The following SP100 variants were observed in gnomAD, a reference collection of about 807,000 sequenced individuals.
SP100 encodes the protein SP100 nuclear body protein.
Under a neutral mutation model 130.0 loss-of-function variants are expected in SP100, and 84 were observed. That is an observed-to-expected ratio of 0.65 (90% confidence interval 0.54 to 0.77). The LOEUF (loss-of-function observed/expected upper bound fraction) is 0.77, where lower values mean the gene tolerates loss of function less well. Ranked by LOEUF, SP100 falls within the 30% of genes least tolerant of loss-of-function variation. The pLI is 0.00. For synonymous variants in SP100, 331 were observed against 351.7 expected (o/e 0.94, Z 0.66); for missense variants, 978 against 1,052.2 (o/e 0.93, Z 0.97).
In SP100 at chr2:230,417,684, T is replaced by C. The variant is rs369701089; in HGVS notation, c.107+19T>C. ...TGCAAAGGTGATGAATGAAGAGTTA[T>C]GTCTTGTTTTAATTTGTATTTTCCT... On this transcript the variant is annotated intron_variant, in intron 2 of 28. Coordinates refer to ENST00000340126, the MANE Select transcript of SP100 (RefSeq NM_001080391.2). 5.6e-6 allele frequency: 9 copies of C among 1,605,140 alleles called. No individual in the cohort carries two copies. In the South Asian group the frequency reaches 6.8e-5, roughly 12 times the overall value.
chr2:230,470,179 T>C (rs2065196107), intron 15 of SP100, 81 bp downstream of exon 15: 2 of 1,528,868 alleles, frequency 1.3e-6, no homozygotes, highest in East Asian at 2.5e-5. Context: ...CAGACGCTTT[T>C]TATTCTGAGC....
intron 15 of SP100, among the ~76,000 whole-genome samples, chr2:230,471,626 A>T (rs2065267300): frequency 6.6e-6 from 1 of 151,986 alleles, no homozygotes; most frequent in Non-Finnish European, 1.5e-5. Flanking sequence ...CCCAAAACAT[A>T]TGCACACACA....
chr2:230,516,874 T>A (rs956867130), intron 24 of SP100, among the ~76,000 whole-genome samples: 1 of 152,222 alleles, frequency 6.6e-6, no homozygotes, highest in African/African-American at 2.4e-5. Flanking sequence ...GAATCACGAC[T>A]GATAGTGTCC....
intron 26 of SP100, 43 bp from the exon 27 acceptor site, chr2:230,541,258 C>T (rs1441420841): frequency 6.4e-7 from 1 of 1,571,478 alleles, no homozygotes; most frequent in Non-Finnish European, 8.8e-7. Flanking sequence ...AGCTCTTTCT[C>T]TCTAAATTGC....
intron 24 of SP100, chr2:230,538,201 CA>C (rs768510277): frequency 6.6e-6 from 1 of 152,030 alleles, no homozygotes. Flanking sequence ...CACTTGTAAG[CA>C]AAAGAAAAAA....
At chr2:230,514,211 G>A (rs1161513060) in intron 24 of SP100, among the ~76,000 whole-genome samples, 3 of 152,194 alleles carry the variant, frequency 2.0e-5, no homozygotes, top group Non-Finnish European at 4.4e-5. Context: ...TCAATTTATA[G>A]TTGCTGTTGC....
intron 23 of SP100, chr2:230,508,970 T>C (rs62193431): frequency 0.084 from 11,391 of 135,000 alleles, 464 homozygotes; most frequent in Middle Eastern, 0.13. Context: ...CACACACACA[T>C]ACACACACAC....
chr2:230,501,687 A>G (rs1008518144), intron 19 of SP100, among the ~76,000 whole-genome samples: 5 of 152,098 alleles, frequency 3.3e-5, no homozygotes, highest in African/African-American at 1.2e-4. Flanking sequence ...TGCAGGACCC[A>G]AATCCACACC....
chr2:230,532,400 A>G (rs2150109462), intron 24 of SP100, among the ~76,000 whole-genome samples: 1 of 152,302 alleles, frequency 6.6e-6, no homozygotes, highest in Non-Finnish European at 1.5e-5. Context: ...ACTGTGATAT[A>G]GGTACAAAGT....
chr2:230,468,825 A>AAT (rs369851898), intron 13 of SP100: 48 of 208,918 alleles, frequency 2.3e-4, no homozygotes, highest in African/African-American at 1.5e-3. Flanking sequence ...CTCAAAAAAA[A>AAT]AAAAAAAAAA....
intron 24 of SP100, chr2:230,515,334 G>A: frequency 6.2e-7 from 1 of 1,613,758 alleles, no homozygotes; most frequent in South Asian, 1.1e-5. Flanking sequence ...CCTTTTTCCT[G>A]TTCTGCTCTG....
Position 230,543,058 on chromosome 2 carries a change from A to C in SP100, c.*112A>C, listed in dbSNP as rs902551014. The C allele has an allele frequency of 1.0e-5, 6 of 578,308 alleles. No individual in the cohort carries two copies. Among genetic ancestry groups the C allele is most frequent in the African/African-American group, 9.6e-5 (5 of 52,052 alleles). The allele number at this position is 578,308 out of a possible 1,614,324, so 35.8% of individuals were successfully genotyped here. A position where few individuals can be genotyped will look rare whatever the true frequency, so the allele number is the denominator to read the frequency against. On this transcript the variant is annotated 3_prime_UTR_variant, in exon 29 of 29. Transcript: ENST00000340126. ...AAACTCCACATCACAATTCTCCAAA[A>C]TTTATCATTGCCATTTTAAAACCGT...
At chr2:230,417,257 A>G (rs1278624545) in intron 1 of SP100, among the ~76,000 whole-genome samples, 2 of 152,178 alleles carry the variant, frequency 1.3e-5, no homozygotes, top group African/African-American at 4.8e-5. Context: ...ATTATATTAC[A>G]TGTGCTAGTC....
chr2:230,422,993 G>A (rs1254058853), intron 2 of SP100, among the ~76,000 whole-genome samples: 2 of 152,194 alleles, frequency 1.3e-5, no homozygotes, highest in African/African-American at 4.8e-5. Flanking sequence ...TGAAATAACT[G>A]AGGGTGATTG....
At chr2:230,494,258 C>A (rs58268307) in intron 17 of SP100, among the ~76,000 whole-genome samples, 158 bp from the exon 18 acceptor site, 1 of 151,922 alleles carries the variant, frequency 6.6e-6, no homozygotes, top group Non-Finnish European at 1.5e-5. Context: ...TTGGTTTCTG[C>A]GTGACAACAA....
chr2:230,458,619 A>G (rs1159267455), intron 8 of SP100, among the ~76,000 whole-genome samples: 3 of 152,184 alleles, frequency 2.0e-5, no homozygotes, highest in African/African-American at 7.2e-5. Context: ...TATCATGAAA[A>G]CGTAGAAATT....
intron 24 of SP100, among the ~76,000 whole-genome samples, chr2:230,522,571 C>T (rs1418262175): frequency 1.4e-5 from 2 of 144,790 alleles, no homozygotes; most frequent in Non-Finnish European, 3.0e-5. Flanking sequence ...TCACTGCTAC[C>T]TCTGCCTCCT....
chr2:230,435,253 A>G (rs2063219822), intron 2 of SP100, among the ~76,000 whole-genome samples: 1 of 152,186 alleles, frequency 6.6e-6, no homozygotes, highest in Admixed American at 6.5e-5. Flanking sequence ...TTATGTATTC[A>G]TATGTTTATT....
rs144849910 is a variant in SP100, at chr2:230,442,336, A to G, written c.108-601A>G. Among the ~76,000 whole-genome samples the G allele has an allele frequency of 1.2e-4, 19 of 152,348 alleles. No individual in the cohort carries two copies. The East Asian group carries it at 2.9e-3, about 23-fold the overall frequency. ...ATATAGCAATAATACAGAGAGATTG[A>G]TATTAATACAAAGTAGAATCAGGCA... is the stretch of plus-strand genomic sequence containing the variant. On this transcript the variant is annotated intron_variant, in intron 2 of 28. Coordinates refer to ENST00000340126, the MANE Select transcript of SP100 (RefSeq NM_001080391.2).
Sources: gnomAD v4.1 joint callset for allele counts (sites outside exome capture counted in the v4.1 genomes callset) on GRCh38, gnomAD v4.1.1 for gene constraint, MANE v1.5 for transcripts, NCBI Gene and HGNC (gene_info 2026-07-23, HGNC 2026-07-21) for gene names.